The following CREBRF variants were observed in gnomAD, a reference collection of about 807,000 sequenced individuals.
The protein encoded by CREBRF is CREB3 regulatory factor, also known as UPF0474 protein C5orf41.
In CREBRF, 5 loss-of-function variants were observed where a neutral mutation model predicts 66.1. The observed-to-expected ratio is 0.08, with a 90% CI of 0.04 to 0.16. The LOEUF is 0.16. CREBRF is among the 10% of genes least tolerant of loss of function. The pLI, the probability that CREBRF is intolerant of heterozygous loss-of-function variation, is 1.00. For missense variants in CREBRF, 531 were observed against 744.9 expected (o/e 0.71, Z 3.34); for synonymous variants, 229 against 264.4 (o/e 0.87, Z 1.30).
intron 1 of CREBRF, among the ~76,000 whole-genome samples, chr5:173,070,294 T>A (rs1757559662): frequency 6.6e-6 from 1 of 152,184 alleles, no homozygotes; most frequent in Non-Finnish European, 1.5e-5. Flanking sequence ...AATCCTGCTG[T>A]GTGCTCCAGT....
chr5:173,076,749 CAAAA>C (rs1202344075), intron 1 of CREBRF, among the ~76,000 whole-genome samples: 4 of 92,422 alleles, frequency 4.3e-5, no homozygotes, highest in Non-Finnish European at 6.8e-5. Context: ...CAGTCAGTCT[CAAAA>C]AAAAAAAAAA....
intron 4 of CREBRF, among the ~76,000 whole-genome samples, chr5:173,099,737 A>G (rs911512762): frequency 6.6e-6 from 1 of 151,938 alleles, no homozygotes; most frequent in Non-Finnish European, 1.5e-5. Flanking sequence ...CTTTGTGATT[A>G]TCATGGGGCT....
intron 1 of CREBRF, among the ~76,000 whole-genome samples, chr5:173,058,765 G>A (rs1283461445): frequency 4.6e-4 from 66 of 143,602 alleles, no homozygotes; most frequent in African/African-American, 1.7e-3. Context: ...GATTACAGGC[G>A]TGAGCCACCG....
chr5:173,090,257 A>T lies in CREBRF; in HGVS notation c.136-58A>T, dbSNP rs1758287756. 7.3e-7 allele frequency: 1 copy of T among 1,364,564 alleles called. No homozygotes were observed. Among genetic ancestry groups the T allele is most frequent in the Non-Finnish European group, 1.0e-6 (1 of 988,982 alleles). The allele number at this position is 1,364,564 out of a possible 1,614,324, so 84.5% of individuals were successfully genotyped here. A position where few individuals can be genotyped will look rare whatever the true frequency, so the allele number is the denominator to read the frequency against. ...ATTGATTTATCAGTTTGACATATGG[A>T]GGTGAATATTTCCTTCTGAAATATG... On this transcript the variant is annotated intron_variant, in intron 3 of 8. Transcript: ENST00000296953. This position sits in a 1 kb window ranked among gnomAD's most constrained non-coding sequence, Gnocchi z 4.5.
In CREBRF at chr5:173,135,976, C is replaced by G. The variant is rs997757897; in HGVS notation, c.*2231C>G. 2 of 152,318 alleles carry G rather than the reference C, an allele frequency of 1.3e-5. No individual in the cohort carries two copies. The highest frequency in any genetic ancestry group is 2.9e-5 in the Non-Finnish European group (2 of 67,900). 9.4% of individuals were successfully genotyped at this position (152,318 alleles called of 1,614,324 possible). ...GTAAGTTCATCGTTTAAAGCTTTTC[C>G]TTTTTAGGTTGGAGAAGGCAAAACA... On this transcript the variant is annotated 3_prime_UTR_variant, in exon 9 of 9. Coordinates refer to ENST00000296953, the MANE Select transcript of CREBRF (RefSeq NM_153607.3).
intron 8 of CREBRF, among the ~76,000 whole-genome samples, chr5:173,126,362 A>G (rs1302939227): frequency 6.6e-6 from 1 of 152,192 alleles, no homozygotes; most frequent in East Asian, 1.9e-4. Flanking sequence ...GCTAGTATCA[A>G]ACTCCTGACA....
At chr5:173,096,211 C>T (rs894420693) in intron 4 of CREBRF, among the ~76,000 whole-genome samples, 7 of 152,086 alleles carry the variant, frequency 4.6e-5, no homozygotes, top group African/African-American at 9.7e-5. Context: ...CCTTGTGATC[C>T]GCCCGCCTTG....
intron 8 of CREBRF, among the ~76,000 whole-genome samples, chr5:173,126,720 A>G (rs1487404246): frequency 6.6e-6 from 1 of 152,200 alleles, no homozygotes; most frequent in Non-Finnish European, 1.5e-5. Flanking sequence ...ATCCACATAA[A>G]TATTGATAAA....
intron 1 of CREBRF, among the ~76,000 whole-genome samples, chr5:173,062,332 C>G (rs1757294846): frequency 6.6e-6 from 1 of 152,102 alleles, no homozygotes; most frequent in Non-Finnish European, 1.5e-5. Context: ...TGCTCTTGAA[C>G]TGTTTAAATG....
Position 173,133,753 on chromosome 5 carries a change from C to T in CREBRF, c.*8C>T, listed in dbSNP as rs1561586561. On this transcript the variant is annotated 3_prime_UTR_variant, in exon 9 of 9. Coordinates refer to ENST00000296953, the MANE Select transcript of CREBRF (RefSeq NM_153607.3). Reference sequence around the variant, plus strand: ...CCAACATCAAAGGTGTAATCAGCCTCATTGGACCACTGGTCAGAAATGTCT... The same window carrying T: ...CCAACATCAAAGGTGTAATCAGCCTTATTGGACCACTGGTCAGAAATGTCT... The T allele has an allele frequency of 5.0e-6, 7 of 1,402,160 alleles. No individual in the cohort carries two copies. The highest frequency in any genetic ancestry group is 2.8e-5 in the African/African-American group (2 of 70,308). 86.9% of individuals were successfully genotyped at this position (1,402,160 alleles called of 1,614,324 possible).
chr5:173,120,165 A>T (rs928504495), intron 7 of CREBRF, among the ~76,000 whole-genome samples: 7 of 152,214 alleles, frequency 4.6e-5, no homozygotes, highest in African/African-American at 1.4e-4. Flanking sequence ...TACTGGCCTT[A>T]TAGAATTAAT....
intron 7 of CREBRF, among the ~76,000 whole-genome samples, chr5:173,121,220 T>C (rs1445805138): frequency 1.3e-5 from 2 of 152,202 alleles, no homozygotes; most frequent in Admixed American, 6.5e-5. Context: ...ATTGATCATT[T>C]CAAGGAACCA....
chr5:173,134,373 T>C lies in CREBRF; in HGVS notation c.*628T>C. ...TTGTATTTTGGGGAAACTCTAAAAC[T>C]GGTAATATTTTGTATGATGAAAACC... On this transcript the variant is annotated 3_prime_UTR_variant, in exon 9 of 9. Transcript: ENST00000296953. 3.1e-6 allele frequency: 1 copy of C among 319,066 alleles called. No homozygotes were observed. The allele number at this position is 319,066 out of a possible 1,614,324, so 19.8% of individuals were successfully genotyped here. A position where few individuals can be genotyped will look rare whatever the true frequency, so the allele number is the denominator to read the frequency against.
chr5:173,058,310 A>G (rs1757136810), intron 1 of CREBRF, among the ~76,000 whole-genome samples: 2 of 152,130 alleles, frequency 1.3e-5, no homozygotes, highest in Non-Finnish European at 2.9e-5. Context: ...CTACGTTGGT[A>G]TTGTCAAGGG....
At chr5:173,058,339 A>G (rs760628107) in intron 1 of CREBRF, among the ~76,000 whole-genome samples, 18 of 152,198 alleles carry the variant, frequency 1.2e-4, no homozygotes, top group Non-Finnish European at 2.5e-4. Context: ...TCTTGATGGC[A>G]TCTTTGGTTA....
chr5:173,085,739 T>C, intron 2 of CREBRF: 2 of 767,948 alleles, frequency 2.6e-6, no homozygotes, highest in Non-Finnish European at 4.9e-6. Flanking sequence ...CTTTAGGCCT[T>C]TCTGTGTGAG....
At chr5:173,089,491 A>G (rs1758265126) in intron 3 of CREBRF, among the ~76,000 whole-genome samples, 1 of 151,982 alleles carries the variant, frequency 6.6e-6, no homozygotes. Context: ...CATTAGAGCT[A>G]TGCTGCATTC....
At chr5:173,103,426 T>A (rs1218397931) in intron 4 of CREBRF, among the ~76,000 whole-genome samples, 1 of 152,216 alleles carries the variant, frequency 6.6e-6, no homozygotes, top group African/African-American at 2.4e-5. Flanking sequence ...ACTTTAAAGA[T>A]GCAAAAGTGA....
intron 4 of CREBRF, among the ~76,000 whole-genome samples, chr5:173,101,289 T>C (rs2113757983): frequency 6.6e-6 from 1 of 152,262 alleles, no homozygotes; most frequent in Non-Finnish European, 1.5e-5. Context: ...ACTCCTGGGC[T>C]GAAGCATTTT....
Sources: allele counts gnomAD v4.1 joint callset (sites outside exome capture counted in the v4.1 genomes callset), GRCh38; gene constraint gnomAD v4.1.1; non-coding constraint Gnocchi (gnomAD v3.1); transcripts MANE v1.5; gene names NCBI Gene and HGNC (gene_info 2026-07-23, HGNC 2026-07-21).